Variants in GPHN observed in about 807,000 individuals in gnomAD.
The protein encoded by GPHN is gephyrin.
In GPHN, 17 loss-of-function variants were observed where a neutral mutation model predicts 95.5. That is an observed-to-expected ratio of 0.18 (90% CI 0.12 to 0.27). GPHN has a LOEUF of 0.27. Ranked by LOEUF, GPHN falls within the 10% of genes least tolerant of loss-of-function variation. The pLI is 1.00. For missense variants in GPHN, 660 were observed against 978.1 expected (o/e 0.67, Z 4.34); for synonymous variants, 320 against 322.5 (o/e 0.99, Z 0.08).
chr14:67,140,123 C>G (rs2080363022), intron 17 of GPHN, among the ~76,000 whole-genome samples: 1 of 152,160 alleles, frequency 6.6e-6, no homozygotes, highest in South Asian at 2.1e-4. Flanking sequence ...GCGGCTCACA[C>G]CTGTAATCCC....
the GPHN span, chr14:67,659,903 T>C: frequency 6.2e-7 from 1 of 1,613,490 alleles, no homozygotes; most frequent in Non-Finnish European, 8.5e-7. Context: ...ATAACGTAGC[T>C]CCTCCTCCAT....
At chr14:67,127,341 GGTTTTT>G (rs138886251) in intron 17 of GPHN, among the ~76,000 whole-genome samples, 7 of 150,896 alleles carry the variant, frequency 4.6e-5, no homozygotes, top group Non-Finnish European at 1.0e-4. Flanking sequence ...GGTTTGTTTG[GGTTTTT>G]GTTTTTGTTT....
At chr14:67,321,836 T>G in the GPHN span, among the ~76,000 whole-genome samples, 1 of 152,194 alleles carries the variant, frequency 6.6e-6, no homozygotes. Flanking sequence ...TTCTGAAACT[T>G]AAAATACAGT....
At chr14:66,860,643 A>G (rs1272060833) in intron 4 of GPHN, among the ~76,000 whole-genome samples, 6 of 152,018 alleles carry the variant, frequency 3.9e-5, no homozygotes, top group Admixed American at 1.3e-4. Context: ...TCAAGCAGAA[A>G]GACTAAATAA....
At chr14:67,544,281 C>T in the GPHN span, among the ~76,000 whole-genome samples, 4 of 152,174 alleles carry the variant, frequency 2.6e-5, no homozygotes, top group South Asian at 2.1e-4. Context: ...GAGAACCTGA[C>T]GATAACACTG....
chr14:67,496,227 T>C, the GPHN span, among the ~76,000 whole-genome samples: 1 of 151,944 alleles, frequency 6.6e-6, no homozygotes, highest in Non-Finnish European at 1.5e-5. Context: ...TATTTATTTA[T>C]TTATTTTGAG....
At chr14:67,361,947 G>C in the GPHN span, among the ~76,000 whole-genome samples, 1 of 149,948 alleles carries the variant, frequency 6.7e-6, no homozygotes, top group Non-Finnish European at 1.5e-5. Context: ...ACTTTGTATT[G>C]TAATTATTTG....
intron 1 of GPHN, among the ~76,000 whole-genome samples, chr14:66,592,138 A>G (rs1252069626): frequency 2.0e-5 from 3 of 152,358 alleles, no homozygotes; most frequent in Admixed American, 2.0e-4. Flanking sequence ...CTTACACCTC[A>G]TACAAAAATT....
chr14:66,552,778 G>A (rs1380677194), intron 1 of GPHN, among the ~76,000 whole-genome samples: 2 of 152,088 alleles, frequency 1.3e-5, no homozygotes, highest in African/African-American at 2.4e-5. Context: ...GTGAGAGGCT[G>A]GGAATAATTC....
the GPHN span, among the ~76,000 whole-genome samples, chr14:67,220,608 A>C: frequency 4.6e-5 from 7 of 152,212 alleles, no homozygotes; most frequent in African/African-American, 1.7e-4. Context: ...TGAAGAATTT[A>C]CTTTATAAAA....
At chr14:67,050,196 T>C (rs926530651) in intron 10 of GPHN, among the ~76,000 whole-genome samples, 2 of 152,208 alleles carry the variant, frequency 1.3e-5, no homozygotes, top group African/African-American at 4.8e-5. Flanking sequence ...CAATTAAAAA[T>C]AAATTTTAAA....
At chr14:67,473,483 G>A in the GPHN span, 17 of 1,614,090 alleles carry the variant, frequency 1.1e-5, no homozygotes, top group East Asian at 4.5e-5. This position sits in a 1 kb window ranked among gnomAD's most constrained non-coding sequence, Gnocchi z 6.5. Flanking sequence ...CGGGCTCAGC[G>A]TCCTTGTCGA....
At chr14:66,595,618 G>C (rs913509989) in intron 1 of GPHN, among the ~76,000 whole-genome samples, 8 of 152,172 alleles carry the variant, frequency 5.3e-5, no homozygotes, top group African/African-American at 1.9e-4. Flanking sequence ...ACCCTGCAAG[G>C]CTGTGGCTCA....
chr14:67,513,879 C>G, the GPHN span, among the ~76,000 whole-genome samples: 1 of 152,322 alleles, frequency 6.6e-6, no homozygotes, highest in East Asian at 1.9e-4. Flanking sequence ...CACCTTGTTC[C>G]TGGAGACATA....
the GPHN span, among the ~76,000 whole-genome samples, chr14:67,559,275 C>G: frequency 3.9e-5 from 6 of 152,128 alleles, no homozygotes; most frequent in African/African-American, 7.2e-5. Context: ...TATAAAATGA[C>G]AAGTCACCTC....
chr14:67,066,422 C>T (rs1321698750), intron 11 of GPHN, among the ~76,000 whole-genome samples: 4 of 152,052 alleles, frequency 2.6e-5, no homozygotes, highest in South Asian at 2.1e-4. Flanking sequence ...TTGTTTTTCT[C>T]GAGGAGTATC....
intron 8 of GPHN, among the ~76,000 whole-genome samples, chr14:66,928,908 T>G (rs1251286354): frequency 6.6e-6 from 1 of 152,142 alleles, no homozygotes; most frequent in Non-Finnish European, 1.5e-5. Flanking sequence ...TTTAAAGACT[T>G]GTTTTGTGGC....
intron 3 of GPHN, among the ~76,000 whole-genome samples, chr14:66,815,748 C>T (rs1259907016): frequency 1.3e-5 from 2 of 152,244 alleles, no homozygotes; most frequent in East Asian, 3.9e-4. Flanking sequence ...AAAGCAACCA[C>T]ATATGTCTGC....
At chr14:67,089,639 G>C (rs1304095036) in intron 12 of GPHN, among the ~76,000 whole-genome samples, 1 of 152,088 alleles carries the variant, frequency 6.6e-6, no homozygotes, top group Non-Finnish European at 1.5e-5. Context: ...TAAGAAAAAA[G>C]AGCAGATTCC....
Sources: gnomAD v4.1 joint callset for allele counts (sites outside exome capture counted in the v4.1 genomes callset) on GRCh38, gnomAD v4.1.1 for gene constraint, Gnocchi (gnomAD v3.1) non-coding constraint, MANE v1.5 for transcripts, NCBI Gene and HGNC (gene_info 2026-07-23, HGNC 2026-07-21) for gene names.